SLC35D1: variants seen among roughly 807,000 people sequenced by gnomAD.
The protein encoded by SLC35D1 is nucleotide sugar transporter SLC35D1.
In SLC35D1, 31 loss-of-function variants were observed where a neutral mutation model predicts 46.7. That is an observed-to-expected ratio of 0.66 (90% CI 0.50 to 0.90). SLC35D1 has a LOEUF of 0.90. Among genes scored for constraint, SLC35D1 ranks in the 40% least tolerant of loss-of-function variants. SLC35D1 has a pLI of 0.00. For synonymous variants in SLC35D1, 195 were observed against 164.6 expected (o/e 1.18, Z -1.41); for missense variants, 397 against 426.2 (o/e 0.93, Z 0.60).
the SLC35D1 span, chr1:66,985,275 T>C: frequency 1.0e-6 from 1 of 982,518 alleles, no homozygotes. Flanking sequence ...TAATTTTTGC[T>C]TAGTTTGATG....
intron 10 of SLC35D1, among the ~76,000 whole-genome samples, chr1:67,015,135 T>C (rs1387736867): frequency 1.5e-5 from 1 of 68,012 alleles, no homozygotes; most frequent in Non-Finnish European, 3.0e-5. Context: ...AAAAAGGTTA[T>C]AAAACACATA....
the SLC35D1 span, among the ~76,000 whole-genome samples, chr1:66,983,814 GCCTC>G: frequency 6.6e-6 from 1 of 152,200 alleles, no homozygotes; most frequent in South Asian, 2.1e-4. Flanking sequence ...TGCAACCTCC[GCCTC>G]CTGGGTTCAA....
chr1:66,995,653 G>C (rs189705092), downstream of SLC35D1, among the ~76,000 whole-genome samples: 175 of 151,960 alleles, frequency 1.2e-3, no homozygotes, highest in African/African-American at 3.9e-3. Flanking sequence ...TCCAATCAAG[G>C]AGTGGGACAG....
intron 2 of SLC35D1, 34 bp downstream of exon 2, chr1:67,052,922 C>T (rs1287316973): frequency 1.2e-6 from 2 of 1,613,990 alleles, no homozygotes; most frequent in African/African-American, 1.3e-5. Flanking sequence ...GTTCTAACAA[C>T]ATAAACCACG....
At chr1:67,008,200 G>A (rs1038139764) in intron 11 of SLC35D1, among the ~76,000 whole-genome samples, 7 of 152,236 alleles carry the variant, frequency 4.6e-5, no homozygotes, top group Non-Finnish European at 7.4e-5. Context: ...GTGCAGCGGC[G>A]CAATCTCGGA....
chr1:67,025,523 T>C (rs561264575), intron 8 of SLC35D1, among the ~76,000 whole-genome samples: 10 of 152,324 alleles, frequency 6.6e-5, no homozygotes, highest in African/African-American at 2.4e-4. Context: ...CCTCTAAAGC[T>C]GTTATTTTTG....
Position 67,052,971 on chromosome 1 carries a change from A to C in SLC35D1, c.222T>G (p.Cys74Trp), listed in dbSNP as rs778075463. 7 of 1,614,098 alleles carry C rather than the reference A, an allele frequency of 4.3e-6. No homozygotes were observed. The highest frequency in any genetic ancestry group is 5.9e-6 in the Non-Finnish European group (7 of 1,180,042). The change falls in exon 2 of 12, where the codon TGT (cysteine) becomes TGG (tryptophan). Residue 74 changes from cysteine to tryptophan, a missense_variant. Cys to Trp is a radical substitution (Grantham distance 215). Transcript: ENST00000235345. ...TCCAACTAACCTGGCCAAGTCCAAC[A>C]CATAGTGAGGAGGGAAATCTACAAA... ...LTNYRFPSSL[C>W]VGLGQMVATV... is the part of the protein sequence containing the mutation.
At position 67,000,307 on chromosome 1, in the gene SLC35D1, A is replaced by G. The variant is rs1464149975; in HGVS notation, c.*4033T>C. On this transcript the variant is annotated 3_prime_UTR_variant, in exon 12 of 12. Coordinates refer to ENST00000235345, the MANE Select transcript of SLC35D1 (RefSeq NM_015139.3). Reference sequence around the variant, plus strand: ...CTTTCTTTTTTTTTTTTTTTTTTAAAAAAAAGGAGGGGGAGTAGGGGGAAG... The same window carrying G: ...CTTTCTTTTTTTTTTTTTTTTTTAAGAAAAAGGAGGGGGAGTAGGGGGAAG... The G allele has an allele frequency of 7.0e-6, 1 of 142,254 alleles. No homozygotes were observed. Among genetic ancestry groups the G allele is most frequent in the Non-Finnish European group, 1.5e-5 (1 of 65,408 alleles). 8.8% of individuals were successfully genotyped at this position (142,254 alleles called of 1,614,324 possible).
At chr1:66,996,087 T>C (rs960506893), downstream of SLC35D1, among the ~76,000 whole-genome samples, 1 of 152,264 alleles carries the variant, frequency 6.6e-6, no homozygotes, top group African/African-American at 2.4e-5. Context: ...CCACCATTTA[T>C]GCACCAGTAA....
At chr1:66,986,743 A>G in the SLC35D1 span, 1 of 323,474 alleles carries the variant, frequency 3.1e-6, no homozygotes, top group Admixed American at 4.8e-5. Flanking sequence ...GTTGAGAAGT[A>G]TGAGTTTTTT....
chr1:66,985,184 A>G, the SLC35D1 span: 1 of 981,950 alleles, frequency 1.0e-6, no homozygotes, highest in South Asian at 4.6e-5. Context: ...CAGATTTACT[A>G]ATTTTGGTAA....
chr1:66,973,356 A>G, the SLC35D1 span, among the ~76,000 whole-genome samples: 2 of 152,138 alleles, frequency 1.3e-5, no homozygotes, highest in Non-Finnish European at 1.5e-5. Flanking sequence ...AGCACTTTCA[A>G]TATGACATTA....
chr1:67,035,085 G>T (rs1668094482), intron 8 of SLC35D1, among the ~76,000 whole-genome samples: 1 of 151,916 alleles, frequency 6.6e-6, no homozygotes, highest in South Asian at 2.1e-4. Context: ...TTTTGTTGAG[G>T]ATTTCTCCAC....
At chr1:66,991,077 A>T in the SLC35D1 span, among the ~76,000 whole-genome samples, 2 of 152,140 alleles carry the variant, frequency 1.3e-5, no homozygotes, top group Non-Finnish European at 2.9e-5. Flanking sequence ...TGCCCTTTGT[A>T]CCGCTGCCAT....
At chr1:66,996,381 G>T (rs999484456), downstream of SLC35D1, among the ~76,000 whole-genome samples, 9 of 152,250 alleles carry the variant, frequency 5.9e-5, no homozygotes, top group African/African-American at 2.2e-4. Context: ...ATAGAGCGGT[G>T]ATGAGTTTGG....
At chr1:67,028,452 T>C (rs928679166) in intron 8 of SLC35D1, among the ~76,000 whole-genome samples, 4 of 152,216 alleles carry the variant, frequency 2.6e-5, no homozygotes, top group Admixed American at 2.6e-4. Flanking sequence ...CCAATTGTAA[T>C]TGTGGGTTGG....
At chr1:67,021,202 C>A (rs1019775743) in intron 9 of SLC35D1, among the ~76,000 whole-genome samples, 2 of 152,224 alleles carry the variant, frequency 1.3e-5, no homozygotes, top group African/African-American at 4.8e-5. Flanking sequence ...CTGCCACCTA[C>A]AAAGTGCGCA....
At chr1:67,010,058 A>T (rs1667532117) in intron 10 of SLC35D1, among the ~76,000 whole-genome samples, 1 of 152,238 alleles carries the variant, frequency 6.6e-6, no homozygotes, top group African/African-American at 2.4e-5. Context: ...GCAGGAGGCC[A>T]TTATCCTAAG....
Position 67,053,803 on chromosome 1 carries a change from G to C in SLC35D1, c.203+8C>G, listed in dbSNP as rs1254421646. On this transcript the variant is annotated splice_region_variant and intron_variant, in intron 1 of 11. Coordinates refer to ENST00000235345, the MANE Select transcript of SLC35D1 (RefSeq NM_015139.3). Reference sequence around the variant, plus strand: ...CCGCGGCCTGGGCCGCCGCCGCCTCGGCCCTACCTGTAATTGGTGAGCACG... The same window carrying C: ...CCGCGGCCTGGGCCGCCGCCGCCTCCGCCCTACCTGTAATTGGTGAGCACG... 11 of 1,585,198 alleles carry C rather than the reference G, an allele frequency of 6.9e-6. No homozygotes were observed. Among genetic ancestry groups the C allele is most frequent in the Non-Finnish European group, 9.4e-6 (11 of 1,167,404 alleles).
Sources: gnomAD v4.1 joint callset for allele counts (sites outside exome capture counted in the v4.1 genomes callset) on GRCh38, gnomAD v4.1.1 for gene constraint, MANE v1.5 for transcripts, NCBI Gene and HGNC (gene_info 2026-07-23, HGNC 2026-07-21) for gene names.